NCAM1: variants seen among roughly 807,000 people sequenced by gnomAD.
NCAM1 encodes the protein neural cell adhesion molecule 1, also known as antigen recognized by monoclonal antibody 5.1H11.
NCAM1 carries 14 observed loss-of-function variants against 109.8 expected under a neutral mutation model. That is an observed-to-expected ratio of 0.13 (90% CI 0.08 to 0.20). NCAM1 has a LOEUF of 0.20. Ranked by LOEUF, NCAM1 falls within the 10% of genes least tolerant of loss-of-function variation. The pLI is 1.00. For missense variants in NCAM1, 774 were observed against 1,109.9 expected, an observed-to-expected ratio of 0.70 and a Z score of 4.30; for synonymous variants, 418 against 442.9, an observed-to-expected ratio of 0.94 and a Z score of 0.70.
At chr11:113,078,701 G>C (rs1301535643) in intron 1 of NCAM1, among the ~76,000 whole-genome samples, 1 of 152,112 alleles carries the variant, frequency 6.6e-6, no homozygotes, top group African/African-American at 2.4e-5. Flanking sequence ...CCATGTGGCT[G>C]TTCTATAGCT....
chr11:113,009,312 G>GTTTTTTTGTTGTTGTTTTTTT (rs1555073910), intron 1 of NCAM1, among the ~76,000 whole-genome samples: 6 of 79,654 alleles, frequency 7.5e-5, no homozygotes, highest in South Asian at 5.9e-4. Flanking sequence ...GTTTTTTCGG[G>GTTTTTTTGTTGTTGTTTTTTT]TTTTTTTTTT....
intron 1 of NCAM1, among the ~76,000 whole-genome samples, chr11:113,081,230 G>A (rs1037139500): frequency 2.2e-4 from 33 of 149,954 alleles, no homozygotes; most frequent in African/African-American, 7.7e-4. Flanking sequence ...TACCAGAGCA[G>A]GGGGAAGGAG....
intron 1 of NCAM1, among the ~76,000 whole-genome samples, chr11:113,001,555 G>A (rs1425343720): frequency 1.3e-5 from 2 of 152,184 alleles, no homozygotes; most frequent in African/African-American, 4.8e-5. Context: ...GCACAGCAAA[G>A]TCTGGAACTT....
At chr11:113,154,403 A>G (rs782010239) in intron 1 of NCAM1, among the ~76,000 whole-genome samples, 36 of 152,136 alleles carry the variant, frequency 2.4e-4, no homozygotes, top group Non-Finnish European at 4.9e-4. Context: ...AGTGGAGAGG[A>G]TGAAGTTAGA....
chr11:112,980,864 T>G (rs1951136375), intron 1 of NCAM1, among the ~76,000 whole-genome samples: 1 of 151,902 alleles, frequency 6.6e-6, no homozygotes, highest in Admixed American at 6.6e-5. Flanking sequence ...TAATTTTATT[T>G]GGATATTCCT....
At chr11:113,063,481 T>A (rs1267763475) in intron 1 of NCAM1, among the ~76,000 whole-genome samples, 2 of 152,244 alleles carry the variant, frequency 1.3e-5, no homozygotes, top group Admixed American at 1.3e-4. Flanking sequence ...AGCCTCATTC[T>A]GCCTCCTCTG....
intron 1 of NCAM1, among the ~76,000 whole-genome samples, chr11:113,009,767 T>C (rs1951998275): frequency 6.6e-6 from 1 of 152,064 alleles, no homozygotes; most frequent in South Asian, 2.1e-4. Flanking sequence ...TTGTAGAAGA[T>C]AAAGGGAGTA....
intron 18 of NCAM1, among the ~76,000 whole-genome samples, chr11:113,270,777 A>G (rs576226653): frequency 6.2e-4 from 94 of 152,250 alleles, no homozygotes; most frequent in Non-Finnish European, 9.1e-4. Flanking sequence ...TCATTCATCC[A>G]TCACTCAACA....
intron 8 of NCAM1, among the ~76,000 whole-genome samples, chr11:113,218,171 A>G (rs1223655901): frequency 1.3e-5 from 2 of 152,230 alleles, no homozygotes; most frequent in Non-Finnish European, 2.9e-5. Context: ...TAACATTTGT[A>G]TTAGCTGTTG....
At chr11:112,991,244 A>G (rs545716671) in intron 1 of NCAM1, among the ~76,000 whole-genome samples, 1 of 152,298 alleles carries the variant, frequency 6.6e-6, no homozygotes, top group South Asian at 2.1e-4. Flanking sequence ...ATTTAATAGG[A>G]ATAAAAGCAA....
intron 1 of NCAM1, among the ~76,000 whole-genome samples, chr11:113,089,377 G>GT (rs5794844): frequency 1.7e-4 from 25 of 149,672 alleles, no homozygotes; most frequent in Admixed American, 2.7e-4. Context: ...AGTGGGTTTA[G>GT]TTTTTTTTTT....
intron 1 of NCAM1, among the ~76,000 whole-genome samples, chr11:113,089,306 A>G (rs1939232647): frequency 6.6e-6 from 1 of 152,096 alleles, no homozygotes; most frequent in Non-Finnish European, 1.5e-5. Context: ...ACTCCATCTC[A>G]AATAATAATA....
intron 1 of NCAM1, among the ~76,000 whole-genome samples, chr11:112,995,551 C>T (rs1047369126): frequency 6.6e-6 from 1 of 152,076 alleles, no homozygotes; most frequent in Non-Finnish European, 1.5e-5. Flanking sequence ...TAGGAATAGC[C>T]AGAATTGTTT....
intron 1 of NCAM1, among the ~76,000 whole-genome samples, chr11:113,072,070 G>A (rs895538334): frequency 3.9e-5 from 6 of 152,246 alleles, no homozygotes; most frequent in South Asian, 4.2e-4. Flanking sequence ...ACTTGAACCT[G>A]AAAGATGGAG....
At chr11:113,076,145 G>A (rs946243022) in intron 1 of NCAM1, among the ~76,000 whole-genome samples, 9 of 146,272 alleles carry the variant, frequency 6.2e-5, no homozygotes, top group South Asian at 4.4e-4. Context: ...CTCGGGCAGC[G>A]TCACCAAACT....
At chr11:113,219,887 T>A (rs1944635133) in intron 8 of NCAM1, among the ~76,000 whole-genome samples, 1 of 152,246 alleles carries the variant, frequency 6.6e-6, no homozygotes, top group Non-Finnish European at 1.5e-5. Flanking sequence ...CTCTGCATGT[T>A]CCTCTGTTCT....
chr11:113,201,971 G>A (rs1204377863), intron 1 of NCAM1, among the ~76,000 whole-genome samples: 3 of 152,240 alleles, frequency 2.0e-5, no homozygotes, highest in African/African-American at 7.2e-5. Flanking sequence ...AGACACTTCA[G>A]ATGACATCCA....
intron 1 of NCAM1, among the ~76,000 whole-genome samples, chr11:113,190,126 A>G (rs555530998): frequency 6.6e-6 from 1 of 152,206 alleles, no homozygotes; most frequent in Non-Finnish European, 1.5e-5. Flanking sequence ...TTGATTTATT[A>G]TAAGTCAGAA....
chr11:113,226,048 C>T (rs1944834892), intron 9 of NCAM1, among the ~76,000 whole-genome samples: 1 of 152,218 alleles, frequency 6.6e-6, no homozygotes, highest in Non-Finnish European at 1.5e-5. Context: ...AACCAGCTAA[C>T]ATCTCAATGA....
Sources: allele counts gnomAD v4.1 joint callset (sites outside exome capture counted in the v4.1 genomes callset), GRCh38; gene constraint gnomAD v4.1.1; transcripts MANE v1.5; gene names NCBI Gene and HGNC (gene_info 2026-07-23, HGNC 2026-07-21).